Variants in DOCK7 observed in about 807,000 individuals in gnomAD.
DOCK7 encodes dedicator of cytokinesis protein 7.
In DOCK7, 138 loss-of-function variants were observed where a neutral mutation model predicts 271.0. That is an observed-to-expected ratio of 0.51 (90% confidence interval 0.44 to 0.59). The LOEUF (loss-of-function observed/expected upper bound fraction) is 0.59. Among genes scored for constraint, DOCK7 ranks in the 20% least tolerant of loss-of-function variants. DOCK7 has a pLI of 0.00. For missense variants in DOCK7, 2,066 were observed against 2,592.4 expected (o/e 0.80, Z 4.41); for synonymous variants, 823 against 876.1 (o/e 0.94, Z 1.07).
intron 43 of DOCK7, chr1:62,485,388 A>G: frequency 2.0e-6 from 2 of 985,384 alleles, no homozygotes; most frequent in Non-Finnish European, 2.4e-6. Flanking sequence ...GCCAACTCAA[A>G]TAATTTGCAC....
Position 62,601,942 on chromosome 1 carries a change from G to C in DOCK7, c.1683-15318C>G. The C allele has an allele frequency of 4.8e-6, 5 of 1,033,564 alleles. No individual in the cohort carries two copies. In the South Asian group the frequency reaches 6.4e-5, roughly 13 times the overall value. The allele number at this position is 1,033,564 out of a possible 1,614,324, so 64.0% of individuals were successfully genotyped here. On this transcript the variant is annotated intron_variant, in intron 14 of 49. Coordinates refer to ENST00000635253, the MANE Select transcript of DOCK7 (RefSeq NM_001367561.1). ...GTTCAACTTACTCATTACGTATTAGGAAGATTAACCTGGTTATCATTGTTT... is the reference window on the plus strand; with the variant it reads ...GTTCAACTTACTCATTACGTATTAGCAAGATTAACCTGGTTATCATTGTTT...
chr1:62,597,348 G>C (rs979157429), intron 14 of DOCK7: 2 of 482,680 alleles, frequency 4.1e-6, no homozygotes, highest in Non-Finnish European at 3.7e-6. Flanking sequence ...TACCTATTAA[G>C]TTAGTTGCTC....
At chr1:62,647,822 C>G in intron 6 of DOCK7, 46 bp from the exon 7 acceptor site, 1 of 1,349,492 alleles carries the variant, frequency 7.4e-7, no homozygotes, top group Non-Finnish European at 1.0e-6. Flanking sequence ...TTATCATATT[C>G]CAACTCTTTA....
chr1:62,559,966 A>C (rs534109536), intron 19 of DOCK7, among the ~76,000 whole-genome samples: 1 of 152,074 alleles, frequency 6.6e-6, no homozygotes, highest in African/African-American at 2.4e-5. Context: ...ACAAGTAAAA[A>C]CCCTGGGAAT....
chr1:62,685,814 C>G (rs953503279), intron 1 of DOCK7, among the ~76,000 whole-genome samples: 1 of 152,156 alleles, frequency 6.6e-6, no homozygotes, highest in African/African-American at 2.4e-5. Flanking sequence ...GGATGTCATC[C>G]CAGACTCCTC....
At chr1:62,514,575 T>C (rs1214497802) in intron 31 of DOCK7, among the ~76,000 whole-genome samples, 1 of 152,116 alleles carries the variant, frequency 6.6e-6, no homozygotes, top group Admixed American at 6.5e-5. Context: ...ATACATTATT[T>C]GATTTAGTCC....
intron 18 of DOCK7, among the ~76,000 whole-genome samples, chr1:62,574,458 T>A (rs1383330644): frequency 1.3e-5 from 2 of 152,218 alleles, no homozygotes; most frequent in East Asian, 3.9e-4. Context: ...GGGTATAGAT[T>A]TCCAAGGAGA....
At chr1:62,607,141 G>A (rs1272294092) in intron 14 of DOCK7, among the ~76,000 whole-genome samples, 1 of 152,074 alleles carries the variant, frequency 6.6e-6, no homozygotes, top group South Asian at 2.1e-4. Flanking sequence ...AGGAGGCGGA[G>A]GTTGCAGTGA....
At chr1:62,479,197 TATAAA>T (rs1195240612) in intron 43 of DOCK7, among the ~76,000 whole-genome samples, 2 of 152,210 alleles carry the variant, frequency 1.3e-5, no homozygotes, top group East Asian at 3.9e-4. Context: ...CAAAAGGGCA[TATAAA>T]ATAAGCTAGA....
At chr1:62,465,843 C>A (rs934092027) in intron 48 of DOCK7, among the ~76,000 whole-genome samples, 2 of 152,150 alleles carry the variant, frequency 1.3e-5, no homozygotes, top group Non-Finnish European at 2.9e-5. Context: ...AGCCACTGCA[C>A]CAGGCCTAGA....
chr1:62,544,909 T>G (rs536752299), intron 23 of DOCK7, 38 bp downstream of exon 23: 45 of 1,468,804 alleles, frequency 3.1e-5, no homozygotes, highest in South Asian at 3.0e-4. Flanking sequence ...AAGGGAAACA[T>G]CAGCAGCCAA....
At chr1:62,629,762 T>C (rs1405075458) in intron 11 of DOCK7, 1 of 152,184 alleles carries the variant, frequency 6.6e-6, no homozygotes, top group East Asian at 1.9e-4. Context: ...AAGCAACACG[T>C]TGTATAACAA....
chr1:62,656,441 T>C (rs1658023905), intron 2 of DOCK7, among the ~76,000 whole-genome samples: 1 of 152,178 alleles, frequency 6.6e-6, no homozygotes, highest in Admixed American at 6.5e-5. Context: ...AGAAGTCCTG[T>C]ATCTCAATAA....
chr1:62,492,662 A>C, intron 41 of DOCK7, 42 bp downstream of exon 41: 1 of 1,608,498 alleles, frequency 6.2e-7, no homozygotes, highest in Admixed American at 1.7e-5. Context: ...TGATAATTAG[A>C]GGTATGAAAC....
At chr1:62,576,622 C>G (rs1256006481) in intron 18 of DOCK7, among the ~76,000 whole-genome samples, 1 of 152,200 alleles carries the variant, frequency 6.6e-6, no homozygotes, top group Non-Finnish European at 1.5e-5. Context: ...TTTAGAGTAA[C>G]ATTTACCAGC....
chr1:62,521,696 C>G (rs1057488382), intron 31 of DOCK7, among the ~76,000 whole-genome samples: 1 of 152,158 alleles, frequency 6.6e-6, no homozygotes, highest in Non-Finnish European at 1.5e-5. Flanking sequence ...GTTAAGAAGA[C>G]CAGGTGCAGT....
intron 49 of DOCK7, among the ~76,000 whole-genome samples, chr1:62,456,774 G>T (rs748847408): frequency 3.3e-5 from 5 of 152,098 alleles, no homozygotes; most frequent in South Asian, 4.1e-4. Flanking sequence ...TGGGATCTCT[G>T]ACCTGGTGGG....
At chr1:62,496,638 CAA>C in intron 37 of DOCK7, 141 bp from the exon 38 acceptor site, 1 of 745,468 alleles carries the variant, frequency 1.3e-6, no homozygotes, top group Non-Finnish European at 2.1e-6. Flanking sequence ...ATATGCATAT[CAA>C]AATCTTATTT....
At chr1:62,532,739 A>G (rs1282351311) in intron 29 of DOCK7, among the ~76,000 whole-genome samples, 1 of 152,190 alleles carries the variant, frequency 6.6e-6, no homozygotes, top group Non-Finnish European at 1.5e-5. Flanking sequence ...CTATGTGAAC[A>G]TCTGAGGGCT....
Sources: allele counts gnomAD v4.1 joint callset (sites outside exome capture counted in the v4.1 genomes callset), GRCh38; gene constraint gnomAD v4.1.1; transcripts MANE v1.5; gene names NCBI Gene and HGNC (gene_info 2026-07-23, HGNC 2026-07-21).